Variants in DMRT1 observed in about 807,000 individuals in gnomAD.
DMRT1 encodes the protein doublesex- and mab-3-related transcription factor 1.
DMRT1 carries 7 observed loss-of-function variants against 32.3 expected under a neutral mutation model. The observed-to-expected ratio is 0.22, with a 90% CI of 0.12 to 0.41. DMRT1 has a LOEUF of 0.41. Among genes scored for constraint, DMRT1 ranks in the 10% least tolerant of loss-of-function variants. The pLI is 1.00. For missense variants in DMRT1, 625 were observed against 500.5 expected (o/e 1.25, Z -2.37); for synonymous variants, 278 against 206.1 (o/e 1.35, Z -2.99).
At chr9:956,085 C>T (rs1394279564) in intron 4 of DMRT1, among the ~76,000 whole-genome samples, 3 of 152,182 alleles carry the variant, frequency 2.0e-5, no homozygotes, top group Non-Finnish European at 4.4e-5. Context: ...AATGTTATTT[C>T]GTCTTTAAAA....
At chr9:894,265 A>C (rs1586579797) in intron 3 of DMRT1, 70 bp downstream of exon 3, 2 of 1,497,848 alleles carry the variant, frequency 1.3e-6, no homozygotes, top group East Asian at 2.3e-5. Flanking sequence ...ACACATGCAC[A>C]TACACACAGA....
chr9:960,880 G>C (rs188455352), intron 4 of DMRT1, among the ~76,000 whole-genome samples: 1 of 152,184 alleles, frequency 6.6e-6, no homozygotes, highest in Non-Finnish European at 1.5e-5. Context: ...GAAGTGGAGT[G>C]GGGGAGCAGT....
At chr9:943,854 TAAAGA>T (rs1819156633) in intron 4 of DMRT1, among the ~76,000 whole-genome samples, 1 of 152,228 alleles carries the variant, frequency 6.6e-6, no homozygotes, top group African/African-American at 2.4e-5. Context: ...TACATTGATT[TAAAGA>T]AAAGATGAGT....
At chr9:925,143 G>C (rs1221090451) in intron 4 of DMRT1, among the ~76,000 whole-genome samples, 1 of 152,216 alleles carries the variant, frequency 6.6e-6, no homozygotes, top group African/African-American at 2.4e-5. Context: ...GTGCCCACAC[G>C]GAGGGTCAGC....
At chr9:880,707 C>T (rs1358579698) in intron 2 of DMRT1, among the ~76,000 whole-genome samples, 1 of 139,352 alleles carries the variant, frequency 7.2e-6, no homozygotes, top group African/African-American at 2.8e-5. Context: ...ACCTGGGCAA[C>T]CAGCAAAACT....
intron 2 of DMRT1, among the ~76,000 whole-genome samples, chr9:870,403 A>AAACT (rs77281108): frequency 6.0e-5 from 9 of 151,160 alleles, no homozygotes; most frequent in South Asian, 2.1e-4. Flanking sequence ...CTGTCTCAAA[A>AAACT]AACAACAACA....
intron 4 of DMRT1, among the ~76,000 whole-genome samples, chr9:948,959 G>C (rs1040299261): frequency 7.9e-5 from 12 of 151,270 alleles, no homozygotes; most frequent in South Asian, 2.1e-4. Context: ...CGGGCGTGGT[G>C]GTGGGTGCCT....
At chr9:861,652 G>A (rs1315164037) in intron 2 of DMRT1, among the ~76,000 whole-genome samples, 3 of 148,966 alleles carry the variant, frequency 2.0e-5, no homozygotes, top group Non-Finnish European at 4.5e-5. Context: ...CGGGCAGAGG[G>A]GCTCCTCACT....
chr9:846,034 T>TC, intron 1 of DMRT1, among the ~76,000 whole-genome samples: 1 of 143,254 alleles, frequency 7.0e-6, no homozygotes, highest in East Asian at 2.0e-4. Flanking sequence ...TTTTTGCCTT[T>TC]TTTTTTTTTT....
chr9:897,453 G>C (rs1247772233), intron 3 of DMRT1, among the ~76,000 whole-genome samples: 3 of 151,914 alleles, frequency 2.0e-5, no homozygotes, highest in Non-Finnish European at 4.4e-5. Context: ...TATTGGAATT[G>C]AGAGGTAATA....
intron 4 of DMRT1, among the ~76,000 whole-genome samples, chr9:943,413 T>A (rs1173265658): frequency 6.6e-6 from 1 of 152,092 alleles, no homozygotes; most frequent in East Asian, 1.9e-4. Flanking sequence ...GGAGGTGAGG[T>A]GATGCTTTCA....
intron 4 of DMRT1, among the ~76,000 whole-genome samples, chr9:952,091 T>C (rs984272732): frequency 2.0e-5 from 3 of 152,156 alleles, no homozygotes; most frequent in African/African-American, 7.2e-5. Flanking sequence ...CCATAACTAG[T>C]AAGTGACCCA....
At chr9:864,916 G>T (rs1449252994) in intron 2 of DMRT1, among the ~76,000 whole-genome samples, 1 of 152,164 alleles carries the variant, frequency 6.6e-6, no homozygotes, top group Non-Finnish European at 1.5e-5. Context: ...AAGTTTTACA[G>T]TTCCATTCAT....
chr9:855,004 T>G (rs1441047212), intron 2 of DMRT1, among the ~76,000 whole-genome samples: 1 of 150,990 alleles, frequency 6.6e-6, no homozygotes. Flanking sequence ...CCTGACCTCG[T>G]GATCCGCCCG....
At chr9:859,230 G>A (rs1231753916) in intron 2 of DMRT1, among the ~76,000 whole-genome samples, 2 of 152,076 alleles carry the variant, frequency 1.3e-5, no homozygotes, top group Admixed American at 1.3e-4. Flanking sequence ...TTTGTTTTAA[G>A]TGCTGCTCTA....
At chr9:843,510 G>T (rs1838779593) in intron 1 of DMRT1, among the ~76,000 whole-genome samples, 1 of 152,222 alleles carries the variant, frequency 6.6e-6, no homozygotes, top group Non-Finnish European at 1.5e-5. Context: ...AAAAAAGCGC[G>T]CCAGGGTTTG....
intron 3 of DMRT1, among the ~76,000 whole-genome samples, chr9:907,186 C>T (rs1170461242): frequency 6.6e-6 from 1 of 152,148 alleles, no homozygotes; most frequent in East Asian, 1.9e-4. Context: ...GTGGAGCGTG[C>T]TGATCATTAT....
Position 899,244 on chromosome 9 carries a change from GA to G in DMRT1, c.822+5059del, listed in dbSNP as rs960236239. Among the ~76,000 whole-genome samples the G allele has an allele frequency of 2.4e-4, 35 of 147,028 alleles. 1 individual carries two copies. Among genetic ancestry groups the G allele is most frequent in the African/African-American group, 7.4e-4 (30 of 40,306 alleles). On this transcript the variant is annotated intron_variant, in intron 3 of 4. Coordinates refer to ENST00000382276, the MANE Select transcript of DMRT1 (RefSeq NM_021951.3). ...ACCAACAACTCCTTTTTGATTCCTA[GA>G]AAAAAAAAACTGACTCTAGTGGAGA...
chr9:854,883 A>C (rs1024511448), intron 2 of DMRT1, among the ~76,000 whole-genome samples: 4 of 149,634 alleles, frequency 2.7e-5, no homozygotes, highest in Non-Finnish European at 4.4e-5. Flanking sequence ...CTCCTGCCTC[A>C]GCCTCCCGAG....
Sources: allele counts gnomAD v4.1 joint callset (sites outside exome capture counted in the v4.1 genomes callset), GRCh38; gene constraint gnomAD v4.1.1; transcripts MANE v1.5; gene names NCBI Gene and HGNC (gene_info 2026-07-23, HGNC 2026-07-21).